ITGA9: variants seen among roughly 807,000 people sequenced by gnomAD.
ITGA9 encodes the protein integrin subunit alpha 9.
A neutral mutation model predicts 127.8 loss-of-function variants in ITGA9; 56 were observed. The ratio of observed to expected loss-of-function variants is 0.44; its 90% confidence interval spans 0.35 to 0.55. The LOEUF is 0.55. Among genes scored for constraint, ITGA9 ranks in the 20% least tolerant of loss-of-function variants. ITGA9 has a pLI of 0.00. For synonymous variants in ITGA9, 508 were observed against 514.5 expected, an observed-to-expected ratio of 0.99 and a Z score of 0.17; for missense variants, 1,196 against 1,347.1, an observed-to-expected ratio of 0.89 and a Z score of 1.76.
chr3:37,644,164 A>G (rs1174171672), intron 16 of ITGA9, among the ~76,000 whole-genome samples: 2 of 152,180 alleles, frequency 1.3e-5, no homozygotes, highest in African/African-American at 4.8e-5. Flanking sequence ...ATAAAAGGCC[A>G]CCTAGTCCCA....
intron 15 of ITGA9, among the ~76,000 whole-genome samples, chr3:37,603,769 G>A (rs1699943336): frequency 6.6e-6 from 1 of 152,220 alleles, no homozygotes; most frequent in Non-Finnish European, 1.5e-5. Flanking sequence ...TCCCTTGCCA[G>A]AGGAAGGAAC....
At chr3:37,567,272 G>A (rs1221301283) in intron 15 of ITGA9, among the ~76,000 whole-genome samples, 1 of 152,190 alleles carries the variant, frequency 6.6e-6, no homozygotes, top group Non-Finnish European at 1.5e-5. Context: ...CAGATCTCAT[G>A]AGACTTACTC....
intron 27 of ITGA9, among the ~76,000 whole-genome samples, chr3:37,805,641 T>C (rs1697286221): frequency 6.6e-6 from 1 of 152,166 alleles, no homozygotes; most frequent in African/African-American, 2.4e-5. Context: ...GGAGTGTATA[T>C]TTTAAGCTTT....
At chr3:37,526,617 G>A (rs1296703881) in intron 13 of ITGA9, among the ~76,000 whole-genome samples, 3 of 152,192 alleles carry the variant, frequency 2.0e-5, no homozygotes, top group African/African-American at 2.4e-5. Context: ...GCTGAGGCCC[G>A]TGCAGTCTGC....
intron 26 of ITGA9, among the ~76,000 whole-genome samples, chr3:37,802,448 G>A (rs1385776795): frequency 6.6e-6 from 1 of 152,188 alleles, no homozygotes; most frequent in Non-Finnish European, 1.5e-5. Flanking sequence ...TCCCAAAGGG[G>A]AATGGACATT....
chr3:37,643,914 G>A (rs1275137181), intron 16 of ITGA9, among the ~76,000 whole-genome samples: 7 of 152,088 alleles, frequency 4.6e-5, no homozygotes, highest in African/African-American at 1.7e-4. Flanking sequence ...TTTTAGAAAC[G>A]TGGCTGGCAT....
chr3:37,653,662 C>T, intron 16 of ITGA9, 52 bp from the exon 17 acceptor site: 1 of 1,297,178 alleles, frequency 7.7e-7, no homozygotes, highest in Non-Finnish European at 1.1e-6. Flanking sequence ...CCACTGTGTA[C>T]TCGTTTGCCA....
intron 6 of ITGA9, among the ~76,000 whole-genome samples, chr3:37,505,757 T>G (rs1698833866): frequency 6.6e-6 from 1 of 152,218 alleles, no homozygotes; most frequent in Admixed American, 6.5e-5. Context: ...TTTCATACAG[T>G]ACTTGTCCGA....
At chr3:37,557,805 A>G (rs1019003466) in intron 15 of ITGA9, among the ~76,000 whole-genome samples, 11 of 152,202 alleles carry the variant, frequency 7.2e-5, no homozygotes, top group African/African-American at 2.4e-4. Flanking sequence ...ATATCTACAT[A>G]TATAAAAATA....
At chr3:37,798,991 A>G (rs990021264) in intron 26 of ITGA9, among the ~76,000 whole-genome samples, 1 of 152,172 alleles carries the variant, frequency 6.6e-6, no homozygotes, top group East Asian at 1.9e-4. Flanking sequence ...GATTGACCAT[A>G]GTTTACTTAT....
At chr3:37,491,071 G>T (rs1007629403) in intron 4 of ITGA9, among the ~76,000 whole-genome samples, 1 of 146,492 alleles carries the variant, frequency 6.8e-6, no homozygotes, top group Admixed American at 7.1e-5. Context: ...CTGCCTCCCA[G>T]ACTCAAGCCA....
intron 14 of ITGA9, among the ~76,000 whole-genome samples, chr3:37,539,264 T>G (rs1699243259): frequency 6.6e-6 from 1 of 152,208 alleles, no homozygotes; most frequent in Admixed American, 6.5e-5. Context: ...AAACAGAGCC[T>G]GGGTCAAGGA....
chr3:37,528,719 A>T (rs1699119307), intron 13 of ITGA9, among the ~76,000 whole-genome samples: 1 of 152,206 alleles, frequency 6.6e-6, no homozygotes, highest in Admixed American at 6.5e-5. Context: ...GCACAGTGTG[A>T]GCACTTCATT....
intron 17 of ITGA9, among the ~76,000 whole-genome samples, chr3:37,665,744 C>T (rs1052157175): frequency 2.6e-4 from 40 of 152,228 alleles, no homozygotes; most frequent in African/African-American, 9.1e-4. Flanking sequence ...CGTGAGCCAC[C>T]GTGCCCAGCC....
chr3:37,609,670 A>G (rs1277662245), intron 15 of ITGA9, among the ~76,000 whole-genome samples: 1 of 152,218 alleles, frequency 6.6e-6, no homozygotes, highest in African/African-American at 2.4e-5. Flanking sequence ...ATTGTGGGCA[A>G]GGAATTCGGG....
chr3:37,721,114 CTTTTTTT>C (rs35254377), intron 18 of ITGA9, among the ~76,000 whole-genome samples: 2 of 93,256 alleles, frequency 2.1e-5, no homozygotes, highest in Admixed American at 2.7e-4. Flanking sequence ...CTTTTCTTGC[CTTTTTTT>C]TTTTTTTTTT....
chr3:37,491,090 C>A (rs904569566), intron 4 of ITGA9, among the ~76,000 whole-genome samples: 1 of 151,846 alleles, frequency 6.6e-6, no homozygotes, highest in South Asian at 2.1e-4. Context: ...CATCCTCCCA[C>A]CTCAGCCTCC....
chr3:37,698,371 T>TTGCCATTGCTTTTGG (rs1700910286), intron 18 of ITGA9, among the ~76,000 whole-genome samples: 1 of 152,252 alleles, frequency 6.6e-6, no homozygotes, highest in Admixed American at 6.5e-5. Context: ...TTGGCTTTTG[T>TTGCCATTGCTTTTGG]TGCCATTGCT....
intron 17 of ITGA9, 151 bp from the exon 18 acceptor site, chr3:37,683,714 A>G: frequency 1.3e-6 from 1 of 774,816 alleles, no homozygotes; most frequent in Non-Finnish European, 2.2e-6. Context: ...GAGCTAACTG[A>G]TTGCCCAAGG....
Sources: allele counts gnomAD v4.1 joint callset (sites outside exome capture counted in the v4.1 genomes callset), GRCh38; gene constraint gnomAD v4.1.1; transcripts MANE v1.5; gene names NCBI Gene and HGNC (gene_info 2026-07-23, HGNC 2026-07-21).